ADGRL3: variants seen among roughly 807,000 people sequenced by gnomAD.
The protein encoded by ADGRL3 is calcium-independent alpha-latrotoxin receptor 3.
In ADGRL3, 62 loss-of-function variants were observed where a neutral mutation model predicts 153.5. The observed-to-expected ratio is 0.40, with a 90% confidence interval of 0.33 to 0.50. The LOEUF (loss-of-function observed/expected upper bound fraction) is 0.50. ADGRL3 is among the 20% of genes least tolerant of loss of function. ADGRL3 has a pLI of 0.47. For missense variants in ADGRL3, 1,641 were observed against 1,859.4 expected (o/e 0.88, Z 2.16); for synonymous variants, 710 against 672.5 (o/e 1.06, Z -0.86).
chr4:61,573,163 C>A (rs72638508), intron 4 of ADGRL3, among the ~76,000 whole-genome samples: 1 of 151,866 alleles, frequency 6.6e-6, no homozygotes, highest in Non-Finnish European at 1.5e-5. Context: ...GATATTCTGT[C>A]GTATTTGAAA....
intron 8 of ADGRL3, among the ~76,000 whole-genome samples, chr4:61,778,619 T>A (rs2097179771): frequency 6.6e-6 from 1 of 152,230 alleles, no homozygotes; most frequent in Admixed American, 6.5e-5. Context: ...TGTACTTACA[T>A]TCCCTTGGAA....
chr4:61,929,703 AG>A lies in ADGRL3; in HGVS notation c.2113-5134del, dbSNP rs1314854856. Among the ~76,000 whole-genome samples the A allele has an allele frequency of 9.8e-5, 15 of 152,292 alleles. No homozygotes were observed. In the South Asian group the frequency reaches 3.1e-3, roughly 32 times the overall value. On this transcript the variant is annotated intron_variant, in intron 13 of 26. Transcript: ENST00000683033. ...AATGGGAGGTTTAAGATAGTTGTGCAGGGAAACAAATATGAGACATCTTTAG... is the reference window on the plus strand; with the variant it reads ...AATGGGAGGTTTAAGATAGTTGTGCAGGAAACAAATATGAGACATCTTTAG...
chr4:61,228,864 G>A (rs545413957), intron 1 of ADGRL3, among the ~76,000 whole-genome samples: 1 of 152,104 alleles, frequency 6.6e-6, no homozygotes, highest in East Asian at 1.9e-4. Context: ...GCTGATTTTT[G>A]TACTTTTAGT....
chr4:61,243,277 CT>C (rs1457671738), intron 1 of ADGRL3, among the ~76,000 whole-genome samples: 1 of 152,030 alleles, frequency 6.6e-6, no homozygotes, highest in Non-Finnish European at 1.5e-5. Flanking sequence ...AAAGTCTGGA[CT>C]TGCAGCCAAA....
chr4:61,702,377 A>T (rs2095782740), intron 6 of ADGRL3, among the ~76,000 whole-genome samples: 1 of 152,192 alleles, frequency 6.6e-6, no homozygotes. Flanking sequence ...ATTTTATGCC[A>T]TTTGCATGGA....
In ADGRL3 at chr4:61,457,611, C is replaced by T. The variant is rs192256499; in HGVS notation, c.-173-39510C>T. ...AATTTACATTTTTAATCCCTCCTGACTTGTTTCTTGTTCTTTCTGTCTGAT... is the reference window on the plus strand; with the variant it reads ...AATTTACATTTTTAATCCCTCCTGATTTGTTTCTTGTTCTTTCTGTCTGAT... On this transcript the variant is annotated intron_variant, in intron 2 of 26. Coordinates refer to ENST00000683033, the MANE Select transcript of ADGRL3 (RefSeq NM_001387552.1). Among the ~76,000 whole-genome samples, 9 of 151,950 alleles carry T rather than the reference C, an allele frequency of 5.9e-5. No individual in the cohort carries two copies. The East Asian group carries it at 1.7e-3, about 29-fold the overall frequency.
intron 4 of ADGRL3, among the ~76,000 whole-genome samples, chr4:61,567,651 A>G (rs1002256068): frequency 2.0e-5 from 3 of 152,180 alleles, no homozygotes; most frequent in African/African-American, 7.2e-5. Context: ...TTGTTTTAGT[A>G]GCCCAAAGAG....
intron 4 of ADGRL3, among the ~76,000 whole-genome samples, chr4:61,577,156 GTGTGTGTGTGTA>G (rs1317591840): frequency 6.7e-6 from 1 of 150,188 alleles, no homozygotes; most frequent in Non-Finnish European, 1.5e-5. Context: ...ATAATTGTGT[GTGTGTGTGTGTA>G]TGTGTGTGTG....
At position 61,449,468 on chromosome 4, in the gene ADGRL3, A is replaced by G. The variant is rs1407721213; in HGVS notation, c.-173-47653A>G. Among the ~76,000 whole-genome samples the G allele has an allele frequency of 3.3e-5, 5 of 151,886 alleles. No homozygotes were observed. The East Asian group carries it at 7.8e-4, about 24-fold the overall frequency. On this transcript the variant is annotated intron_variant, in intron 2 of 26. Coordinates refer to ENST00000683033, the MANE Select transcript of ADGRL3 (RefSeq NM_001387552.1). ...CCATTTTTTTTTTAAGTGAAATACT[A>G]TTTGGATAAAAAAGATAAATGCAAG... is the stretch of plus-strand genomic sequence containing the variant.
chr4:61,970,912 C>G (rs1333512296), intron 17 of ADGRL3, among the ~76,000 whole-genome samples: 1 of 151,986 alleles, frequency 6.6e-6, no homozygotes, highest in Non-Finnish European at 1.5e-5. Flanking sequence ...TAGATCAATG[C>G]CAGGAATTTT....
intron 2 of ADGRL3, among the ~76,000 whole-genome samples, chr4:61,410,416 C>A (rs980068105): frequency 2.6e-5 from 4 of 151,706 alleles, no homozygotes; most frequent in Non-Finnish European, 5.9e-5. Context: ...TCTTTAAATA[C>A]TTTAGTGTTT....
At chr4:61,354,344 G>T (rs1175047895) in intron 1 of ADGRL3, among the ~76,000 whole-genome samples, 4 of 152,066 alleles carry the variant, frequency 2.6e-5, no homozygotes, top group Non-Finnish European at 5.9e-5. Flanking sequence ...ATACATGAGA[G>T]TTCTCCATAT....
At chr4:61,756,881 A>G (rs184572740) in intron 8 of ADGRL3, among the ~76,000 whole-genome samples, 4,069 of 152,068 alleles carry the variant, frequency 0.027, 117 homozygotes, top group East Asian at 0.077. Context: ...AGATAATCAT[A>G]TGGTTTTTGT....
intron 8 of ADGRL3, among the ~76,000 whole-genome samples, chr4:61,789,902 C>T (rs1384987167): frequency 6.6e-6 from 1 of 152,124 alleles, no homozygotes; most frequent in African/African-American, 2.4e-5. Context: ...ATACTTTTTC[C>T]TCAGCACCTG....
In ADGRL3 at chr4:61,808,605, C is replaced by T. The variant is rs148208216; in HGVS notation, c.1400-5204C>T. On this transcript the variant is annotated intron_variant, in intron 8 of 26. Transcript: ENST00000683033. ...GGTGTTTACATCATCACCTGAGAGC[C>T]GACTTTATAAATGCCAGATGGTTAT... Among the ~76,000 whole-genome samples the T allele has an allele frequency of 2.8e-4, 43 of 152,086 alleles. 2 individuals are homozygous for T. The East Asian group carries it at 7.4e-3, about 26-fold the overall frequency.
At chr4:61,622,353 C>T (rs1165772013) in intron 5 of ADGRL3, among the ~76,000 whole-genome samples, 1 of 152,096 alleles carries the variant, frequency 6.6e-6, no homozygotes, top group Non-Finnish European at 1.5e-5. Flanking sequence ...ATATAATGTT[C>T]TCACTGGGTG....
At chr4:61,770,563 G>A (rs2097072435) in intron 8 of ADGRL3, among the ~76,000 whole-genome samples, 1 of 152,140 alleles carries the variant, frequency 6.6e-6, no homozygotes, top group Non-Finnish European at 1.5e-5. Context: ...ACTTTTTAAA[G>A]TATCTGCAAG....
intron 9 of ADGRL3, 41 bp downstream of exon 9, chr4:61,813,930 T>C: frequency 6.2e-7 from 1 of 1,606,754 alleles, no homozygotes; most frequent in Non-Finnish European, 8.5e-7. Context: ...ACTCTGCTCA[T>C]TCTTTGATGA....
chr4:61,758,370 T>C (rs1221435574), intron 8 of ADGRL3, among the ~76,000 whole-genome samples: 1 of 152,224 alleles, frequency 6.6e-6, no homozygotes, highest in Non-Finnish European at 1.5e-5. Flanking sequence ...GCTCCTGTAT[T>C]GGGTGCATAT....
Sources: allele counts gnomAD v4.1 joint callset (sites outside exome capture counted in the v4.1 genomes callset), GRCh38; gene constraint gnomAD v4.1.1; transcripts MANE v1.5; gene names NCBI Gene and HGNC (gene_info 2026-07-23, HGNC 2026-07-21).